Variants in CSMD1 observed in about 807,000 individuals in gnomAD.
CSMD1 encodes CUB and sushi domain-containing protein 1.
CSMD1 carries 213 observed loss-of-function variants against 417.5 expected under a neutral mutation model. The observed-to-expected ratio is 0.51, with a 90% CI of 0.46 to 0.57. The LOEUF (loss-of-function observed/expected upper bound fraction) is 0.57, where lower values mean the gene tolerates loss of function less well. CSMD1 is among the 20% of genes least tolerant of loss of function. The pLI is 0.00. For synonymous variants in CSMD1, 2,862 were observed against 1,736.8 expected (o/e 1.65, Z -16.11); for missense variants, 6,923 against 4,529.7 (o/e 1.53, Z -15.17).
chr8:3,331,301 C>G (rs1293496505), intron 23 of CSMD1, among the ~76,000 whole-genome samples: 1 of 151,628 alleles, frequency 6.6e-6, no homozygotes, highest in African/African-American at 2.4e-5. Context: ...GAGGGAGCAA[C>G]TAACGTTGAT....
chr8:4,010,015 C>T (rs533857239), intron 4 of CSMD1, among the ~76,000 whole-genome samples: 1 of 152,156 alleles, frequency 6.6e-6, no homozygotes, highest in Non-Finnish European at 1.5e-5. Context: ...TCCTATGCTC[C>T]TGAATGTCTC....
At chr8:4,129,441 G>A (rs1802963172) in intron 3 of CSMD1, among the ~76,000 whole-genome samples, 1 of 152,244 alleles carries the variant, frequency 6.6e-6, no homozygotes, top group African/African-American at 2.4e-5. Flanking sequence ...TAGATGTACT[G>A]AGACAGGTGC....
chr8:4,770,198 C>G lies in CSMD1; in HGVS notation c.86-132640G>C, dbSNP rs34866726. Among the ~76,000 whole-genome samples the G allele has an allele frequency of 2.0e-5, 3 of 148,398 alleles. No homozygotes were observed. The Admixed American group carries it at 2.0e-4, about 10-fold the overall frequency. ...ATATAAATTTTTATATTCCTATATA[C>G]TTATAAATTACTGTATATATATATT... On this transcript the variant is annotated intron_variant, in intron 1 of 69. Transcript: ENST00000635120.
At chr8:4,596,344 C>T (rs4875366) in intron 2 of CSMD1, among the ~76,000 whole-genome samples, 68,369 of 151,926 alleles carry the variant, frequency 0.45, 17,697 homozygotes, top group Non-Finnish European at 0.57. Context: ...ACGAAACCTC[C>T]TCTCTAAGGG....
intron 10 of CSMD1, among the ~76,000 whole-genome samples, chr8:3,494,584 A>G (rs985325911): frequency 6.6e-6 from 1 of 151,950 alleles, no homozygotes; most frequent in African/African-American, 2.4e-5. Context: ...AGATAGATAG[A>G]TAGATAGATA....
chr8:2,998,411 T>G (rs1807104045), intron 53 of CSMD1, among the ~76,000 whole-genome samples: 1 of 152,208 alleles, frequency 6.6e-6, no homozygotes, highest in South Asian at 2.1e-4. Context: ...AACAAACACC[T>G]GCCAAACACG....
intron 1 of CSMD1, among the ~76,000 whole-genome samples, chr8:4,684,076 A>G (rs1488063360): frequency 1.3e-5 from 2 of 152,224 alleles, no homozygotes; most frequent in Non-Finnish European, 2.9e-5. Flanking sequence ...GAACATTTAA[A>G]AATCCAGGGA....
chr8:4,921,961 T>G (rs1237877821), intron 1 of CSMD1, among the ~76,000 whole-genome samples: 2 of 152,200 alleles, frequency 1.3e-5, no homozygotes, highest in African/African-American at 4.8e-5. Context: ...ATACTTGCCC[T>G]CTTCACTCAG....
chr8:3,707,638 T>C (rs961364385), intron 7 of CSMD1, among the ~76,000 whole-genome samples: 4 of 152,134 alleles, frequency 2.6e-5, no homozygotes, highest in African/African-American at 9.7e-5. Flanking sequence ...TAAGGTCGTG[T>C]GGGGAGCAAA....
intron 1 of CSMD1, among the ~76,000 whole-genome samples, chr8:4,689,269 C>T (rs190903726): frequency 6.6e-6 from 1 of 152,266 alleles, no homozygotes; most frequent in East Asian, 1.9e-4. Context: ...ACAAAGTTCA[C>T]CAGCTCCCTA....
intron 21 of CSMD1, among the ~76,000 whole-genome samples, chr8:3,350,508 C>G (rs1384962368): frequency 6.6e-6 from 1 of 151,624 alleles, no homozygotes; most frequent in Admixed American, 6.6e-5. Context: ...GGGAATAGCA[C>G]TTTTAAAAAA....
At chr8:3,974,597 A>G (rs2049305) in intron 5 of CSMD1, among the ~76,000 whole-genome samples, 36,030 of 151,870 alleles carry the variant, frequency 0.24, 4,454 homozygotes, top group Admixed American at 0.34. Context: ...TCTAATAACA[A>G]CCCTTGTTTT....
At chr8:3,870,800 T>C (rs1281558850) in intron 5 of CSMD1, among the ~76,000 whole-genome samples, 4 of 152,164 alleles carry the variant, frequency 2.6e-5, no homozygotes, top group African/African-American at 4.8e-5. Flanking sequence ...TGCATTCTTA[T>C]TGTAAAACAT....
Position 4,022,990 on chromosome 8 carries a change from T to C in CSMD1, c.610+8915A>G, listed in dbSNP as rs568814148. On this transcript the variant is annotated intron_variant, in intron 4 of 69. Coordinates refer to ENST00000635120, the MANE Select transcript of CSMD1 (RefSeq NM_033225.6). The stretch of plus-strand genomic sequence containing the variant: ...CAAATAAATAGCAGTATGGCAAAGA[T>C]GGGACAGTCTTTTACCAAATCCGTG... Among the ~76,000 whole-genome samples, 6 of 152,308 alleles carry C rather than the reference T, an allele frequency of 3.9e-5. No individual in the cohort carries two copies. In the East Asian group the frequency reaches 9.7e-4, roughly 25 times the overall value.
At chr8:4,705,380 C>T (rs1485520154) in intron 1 of CSMD1, among the ~76,000 whole-genome samples, 3 of 152,230 alleles carry the variant, frequency 2.0e-5, no homozygotes, top group East Asian at 1.9e-4. Context: ...GACAACCCAG[C>T]GTCTATCAAG....
At chr8:3,110,464 A>C in intron 42 of CSMD1, 129 bp from the exon 43 acceptor site, 2 of 709,528 alleles carry the variant, frequency 2.8e-6, no homozygotes, top group Non-Finnish European at 4.2e-6. Flanking sequence ...AATATTTCTG[A>C]ATCACCATTT....
intron 2 of CSMD1, among the ~76,000 whole-genome samples, chr8:4,569,878 C>T (rs570768861): frequency 4.6e-5 from 7 of 152,144 alleles, no homozygotes; most frequent in South Asian, 4.1e-4. Context: ...AGTTGTATTC[C>T]TAGATATTTT....
intron 5 of CSMD1, among the ~76,000 whole-genome samples, chr8:3,805,245 C>A (rs572710507): frequency 6.6e-6 from 1 of 152,202 alleles, no homozygotes; most frequent in African/African-American, 2.4e-5. Flanking sequence ...CACAAGGGAA[C>A]CAACCACCAT....
At chr8:3,795,965 G>GATAT (rs201119477) in intron 5 of CSMD1, among the ~76,000 whole-genome samples, 6,919 of 26,100 alleles carry the variant, frequency 0.27, 2,796 homozygotes, top group African/African-American at 0.54. Context: ...TACAGATATA[G>GATAT]ATATCTATCA....
Sources: allele counts gnomAD v4.1 joint callset (sites outside exome capture counted in the v4.1 genomes callset), GRCh38; gene constraint gnomAD v4.1.1; transcripts MANE v1.5; gene names NCBI Gene and HGNC (gene_info 2026-07-23, HGNC 2026-07-21).